Variants in TRPM7 observed in about 807,000 individuals in gnomAD.
TRPM7 encodes the protein LTRPC ion channel family member 7.
A neutral mutation model predicts 229.7 loss-of-function variants in TRPM7; 134 were observed. That is an observed-to-expected ratio of 0.58 (90% CI 0.51 to 0.67). TRPM7 has a LOEUF of 0.67. TRPM7 is among the 30% of genes least tolerant of loss of function. TRPM7 has a pLI of 0.00. For missense variants in TRPM7, 1,901 were observed against 2,210.0 expected, an observed-to-expected ratio of 0.86 and a Z score of 2.80; for synonymous variants, 699 against 715.2, an observed-to-expected ratio of 0.98 and a Z score of 0.36.
intron 21 of TRPM7, among the ~76,000 whole-genome samples, chr15:50,602,946 A>G (rs2059819233): frequency 6.6e-6 from 1 of 152,204 alleles, no homozygotes; most frequent in Non-Finnish European, 1.5e-5. Context: ...CCATTAAAGT[A>G]ACTAGACACC....
At chr15:50,654,648 A>G (rs1418713248) in intron 3 of TRPM7, among the ~76,000 whole-genome samples, 5 of 151,558 alleles carry the variant, frequency 3.3e-5, no homozygotes, top group African/African-American at 9.6e-5. Flanking sequence ...AATGGAAACT[A>G]TAACAAAGAA....
chr15:50,647,077 T>A (rs1275591883), intron 4 of TRPM7, among the ~76,000 whole-genome samples: 2 of 152,254 alleles, frequency 1.3e-5, no homozygotes, highest in Non-Finnish European at 2.9e-5. Context: ...AAGTGATGCA[T>A]GACTGCATAT....
intron 1 of TRPM7, among the ~76,000 whole-genome samples, chr15:50,677,738 C>CAAAAAAA (rs10652951): frequency 6.3e-4 from 24 of 38,138 alleles, no homozygotes; most frequent in Middle Eastern, 0.025. Context: ...GACCCCGTAT[C>CAAAAAAA]AAAAAAAAAA....
chr15:50,594,314 A>C (rs1380826191), intron 24 of TRPM7, 115 bp downstream of exon 24: 16 of 985,252 alleles, frequency 1.6e-5, no homozygotes, highest in Non-Finnish European at 2.1e-5. Flanking sequence ...TTTAACAAAA[A>C]TCTACCATAA....
Position 50,557,569 on chromosome 15 carries a change from T to C in TRPM7, c.*4109A>G, listed in dbSNP as rs367963522. 6.6e-6 allele frequency: 1 copy of C among 152,234 alleles called. No homozygotes were observed. The highest frequency in any genetic ancestry group is 1.5e-5 in the Non-Finnish European group (1 of 68,040). The allele number at this position is 152,234 out of a possible 1,614,324, so 9.4% of individuals were successfully genotyped here. ...TAATTTCCAATACAATCAACATGTA[T>C]TACTTGTAAAATAATAGCATACATA... is the stretch of plus-strand genomic sequence containing the variant. On this transcript the variant is annotated 3_prime_UTR_variant, in exon 39 of 39. Transcript: ENST00000646667.
At chr15:50,670,810 GAAA>G (rs59965204) in intron 1 of TRPM7, among the ~76,000 whole-genome samples, 15 of 113,524 alleles carry the variant, frequency 1.3e-4, no homozygotes, top group African/African-American at 4.7e-4. Flanking sequence ...AAAAGAAAAA[GAAA>G]AAAAAAAAAA....
Position 50,607,332 on chromosome 15 carries a change from A to T in TRPM7, c.2581-4T>A. 6.4e-7 allele frequency: 1 copy of T among 1,561,620 alleles called. No homozygotes were observed. Among genetic ancestry groups the T allele is most frequent in the Non-Finnish European group, 8.6e-7 (1 of 1,157,616 alleles). On this transcript the variant is annotated splice_region_variant and splice_polypyrimidine_tract_variant and intron_variant, in intron 19 of 38. Coordinates refer to ENST00000646667, the MANE Select transcript of TRPM7 (RefSeq NM_017672.6). ...TCAGAAATCCTAAATATGCCAACTA[A>T]TGAAAAAGTAAAGGTTACATAAATA...
chr15:50,625,936 TTC>T (rs2060545793), intron 11 of TRPM7, among the ~76,000 whole-genome samples: 1 of 152,208 alleles, frequency 6.6e-6, no homozygotes, highest in African/African-American at 2.4e-5. Context: ...GATTATTTCC[TTC>T]TTTCTCTTAT....
At position 50,566,744 on chromosome 15, in the gene TRPM7, A is replaced by C. The variant is rs189875888; in HGVS notation, c.5467+3143T>G. 3.3e-5 allele frequency among the ~76,000 whole-genome samples: 5 copies of C among 152,288 alleles called. No individual in the cohort carries two copies. In the East Asian group the frequency reaches 9.6e-4, roughly 29 times the overall value. Reference sequence around the variant, plus strand: ...CCGAGAATCAATAATCTAAGTTTCTACTTTAATAAACTAGAAAAAGAACAA... The same window carrying C: ...CCGAGAATCAATAATCTAAGTTTCTCCTTTAATAAACTAGAAAAAGAACAA... On this transcript the variant is annotated intron_variant, in intron 38 of 38. Coordinates refer to ENST00000646667, the MANE Select transcript of TRPM7 (RefSeq NM_017672.6).
At chr15:50,589,008 T>C (rs1376861506) in intron 27 of TRPM7, among the ~76,000 whole-genome samples, 2 of 151,956 alleles carry the variant, frequency 1.3e-5, no homozygotes, top group Non-Finnish European at 2.9e-5. Flanking sequence ...GGAAAACATA[T>C]GGGGAGAAGA....
chr15:50,617,849 G>A (rs990332360), intron 13 of TRPM7, among the ~76,000 whole-genome samples: 5 of 151,728 alleles, frequency 3.3e-5, no homozygotes, highest in Non-Finnish European at 5.9e-5. Context: ...GTAGAGAAAA[G>A]GTCTCGCTTT....
intron 31 of TRPM7, among the ~76,000 whole-genome samples, chr15:50,576,251 GTAGCCATGTAAATATTT>G (rs1404822008): frequency 6.6e-5 from 10 of 152,126 alleles, no homozygotes; most frequent in Non-Finnish European, 1.2e-4. Context: ...GTTGGGGACT[GTAGCCATGTAAATATTT>G]TAGCAGGTCT....
chr15:50,671,403 AATG>A (rs1405700909), intron 1 of TRPM7, among the ~76,000 whole-genome samples: 17 of 152,176 alleles, frequency 1.1e-4, no homozygotes, highest in African/African-American at 4.1e-4. Flanking sequence ...TTTAAGATTG[AATG>A]ATATTCCTTT....
At chr15:50,586,784 C>A (rs112772920) in intron 27 of TRPM7, among the ~76,000 whole-genome samples, 1 of 151,992 alleles carries the variant, frequency 6.6e-6, no homozygotes, top group African/African-American at 2.4e-5. Flanking sequence ...TTTGGGAGGT[C>A]GAGGCGGGCG....
chr15:50,614,533 T>G (rs1199098409), intron 13 of TRPM7, among the ~76,000 whole-genome samples: 1 of 151,780 alleles, frequency 6.6e-6, no homozygotes, highest in Admixed American at 6.6e-5. Context: ...GGCAAGCTAG[T>G]AGATGCCTGT....
chr15:50,608,534 G>A (rs1029281724), intron 19 of TRPM7, among the ~76,000 whole-genome samples: 3 of 152,182 alleles, frequency 2.0e-5, no homozygotes, highest in Non-Finnish European at 2.9e-5. Context: ...GAATGCAAAT[G>A]TAAGCAAACT....
rs182339346 is a variant in TRPM7, at chr15:50,610,457, G to A, written c.2281-496C>T. On this transcript the variant is annotated intron_variant, in intron 17 of 38. Coordinates refer to ENST00000646667, the MANE Select transcript of TRPM7 (RefSeq NM_017672.6). ...CAAAATCCCAAAGCATGAAGAAATT[G>A]TAATTGTGTAACAGGTTTTCTGTTG... is the stretch of plus-strand genomic sequence containing the variant. Among the ~76,000 whole-genome samples, 1,216 of 152,252 alleles carry A rather than the reference G, an allele frequency of 8.0e-3. 12 individuals carry two copies. Among genetic ancestry groups the A allele is most frequent in the Non-Finnish European group, 0.012 (802 of 67,980 alleles).
Position 50,575,116 on chromosome 15 carries a change from A to G in TRPM7, c.4755T>C (p.Tyr1585=). The change falls in exon 34 of 39, where the codon TAT becomes TAC. Residue 1585 remains tyrosine (Y), a synonymous_variant. Transcript: ENST00000646667. ...TGTTGGGTGAACTCTCTTCCAAACG[A>G]TACACTGTGACAGGCTCCCCTGCAA... ...VPPRGEPVTV[Y]RLEESSPNIL... The G allele has an allele frequency of 1.2e-6, 2 of 1,607,980 alleles. No individual in the cohort carries two copies. Among genetic ancestry groups the G allele is most frequent in the Non-Finnish European group, 1.7e-6 (2 of 1,175,528 alleles).
At chr15:50,601,925 C>T (rs1441595598) in intron 21 of TRPM7, among the ~76,000 whole-genome samples, 1 of 150,516 alleles carries the variant, frequency 6.6e-6, no homozygotes, top group African/African-American at 2.4e-5. Context: ...TTAGAAACTC[C>T]CTGCTCAGAA....
Sources: gnomAD v4.1 joint callset for allele counts (sites outside exome capture counted in the v4.1 genomes callset) on GRCh38, gnomAD v4.1.1 for gene constraint, MANE v1.5 for transcripts, NCBI Gene and HGNC (gene_info 2026-07-23, HGNC 2026-07-21) for gene names.